Variants in SLC25A25 observed in about 807,000 individuals in gnomAD.
SLC25A25 encodes the protein solute carrier family 25 member 25.
In SLC25A25, 32 loss-of-function variants were observed where a neutral mutation model predicts 57.7. The ratio of observed to expected loss-of-function variants is 0.55; its 90% CI spans 0.42 to 0.74. The LOEUF (loss-of-function observed/expected upper bound fraction) is 0.74, where lower values mean the gene tolerates loss of function less well. SLC25A25 is among the 30% of genes least tolerant of loss of function. SLC25A25 has a pLI of 0.00. For missense variants in SLC25A25, 556 were observed against 701.3 expected (o/e 0.79, Z 2.34); for synonymous variants, 306 against 291.2 (o/e 1.05, Z -0.52).
At chr9:128,080,291 A>C (rs1237453195) in intron 1 of SLC25A25, among the ~76,000 whole-genome samples, 2 of 148,768 alleles carry the variant, frequency 1.3e-5, no homozygotes, top group Non-Finnish European at 3.0e-5. Context: ...TGGAGGTTGC[A>C]GTGAGCTGAG....
At chr9:128,076,920 T>C (rs1295534416) in intron 1 of SLC25A25, among the ~76,000 whole-genome samples, 2 of 152,188 alleles carry the variant, frequency 1.3e-5, no homozygotes, top group Non-Finnish European at 2.9e-5. Flanking sequence ...TCGCAGATGG[T>C]CATCCGCCCT....
At chr9:128,070,110 T>TTTTTTTGG (rs1832871987) in intron 1 of SLC25A25, among the ~76,000 whole-genome samples, 1 of 103,162 alleles carries the variant, frequency 9.7e-6, no homozygotes, top group Non-Finnish European at 1.8e-5. Context: ...TTTTTTTTTT[T>TTTTTTTGG]GAGACAGTCT....
At chr9:128,078,588 A>G (rs1833069909) in intron 1 of SLC25A25, among the ~76,000 whole-genome samples, 1 of 152,204 alleles carries the variant, frequency 6.6e-6, no homozygotes, top group Non-Finnish European at 1.5e-5. Context: ...CTTTCCCTGG[A>G]CAGAAACCGG....
At chr9:128,098,900 G>GTT in intron 1 of SLC25A25, 1 of 985,452 alleles carries the variant, frequency 1.0e-6, no homozygotes, top group Non-Finnish European at 1.2e-6. Context: ...GGAGTGACCG[G>GTT]TTTTCATGTG....
At chr9:128,087,365 G>T (rs932336423) in intron 1 of SLC25A25, among the ~76,000 whole-genome samples, 1 of 152,022 alleles carries the variant, frequency 6.6e-6, no homozygotes, top group Admixed American at 6.5e-5. Flanking sequence ...GGGTTCAAGC[G>T]ATTCTCCTGC....
intron 1 of SLC25A25, chr9:128,092,153 A>G: frequency 4.5e-6 from 7 of 1,562,454 alleles, no homozygotes; most frequent in Admixed American, 1.9e-5. Context: ...TTCCTGGGGA[A>G]AAAACGAGTG....
rs1834135188 is a variant in SLC25A25 at position 128,108,351 on chromosome 9, C to T, written c.*907C>T. The T allele has an allele frequency of 2.5e-6, 1 of 398,144 alleles. No individual in the cohort carries two copies. Among genetic ancestry groups the T allele is most frequent in the Non-Finnish European group, 4.4e-6 (1 of 225,994 alleles). The allele number at this position is 398,144 out of a possible 1,614,324, so 24.7% of individuals were successfully genotyped here. A position where few individuals can be genotyped will look rare whatever the true frequency, so the allele number is the denominator to read the frequency against. Reference sequence around the variant, plus strand: ...AAGGGTTTTGTCCAGAAGGACAAGCCGGACAAATGAGCGACTTCTGTGCTT... The same window carrying T: ...AAGGGTTTTGTCCAGAAGGACAAGCTGGACAAATGAGCGACTTCTGTGCTT... On this transcript the variant is annotated 3_prime_UTR_variant, in exon 11 of 11. Coordinates refer to ENST00000373069, the MANE Select transcript of SLC25A25 (RefSeq NM_001330988.2).
At position 128,103,093 on chromosome 9, in the gene SLC25A25, A is replaced by C. The variant is rs139282099; in HGVS notation, c.625-588A>C. 4.6e-5 allele frequency among the ~76,000 whole-genome samples: 7 copies of C among 152,338 alleles called. No homozygotes were observed. In the South Asian group the frequency reaches 1.4e-3, roughly 32 times the overall value. ...CTCCTCATCTGCCTCTCGCAGTGCCAGGCCAGGGCTTGTTAGGTGAGATTA... is the reference window on the plus strand; with the variant it reads ...CTCCTCATCTGCCTCTCGCAGTGCCCGGCCAGGGCTTGTTAGGTGAGATTA... On this transcript the variant is annotated intron_variant, in intron 5 of 10. Coordinates refer to ENST00000373069, the MANE Select transcript of SLC25A25 (RefSeq NM_001330988.2). The surrounding 1 kb of genome is among the most constrained non-coding windows in gnomAD (Gnocchi z 6.7).
At chr9:128,086,103 T>A (rs188545756) in intron 1 of SLC25A25, among the ~76,000 whole-genome samples, 1 of 152,238 alleles carries the variant, frequency 6.6e-6, no homozygotes, top group East Asian at 1.9e-4. Context: ...GAATGTGTAT[T>A]CTGCTGTTGT....
chr9:128,082,107 T>C (rs1833169060), intron 1 of SLC25A25, among the ~76,000 whole-genome samples: 5 of 152,194 alleles, frequency 3.3e-5, no homozygotes, highest in Admixed American at 3.3e-4. Context: ...CGAAGGGGAC[T>C]GGCTTTTCAC....
In SLC25A25 at chr9:128,107,395, A is replaced by G. The variant is rs779836096; in HGVS notation, c.1499A>G (p.Tyr500Cys). ...GTCATCCCAGCTGTGAGCATCAGCTACGTGGTCTACGAGAACCTGAAGATC... is the reference window on the plus strand; with the variant it reads ...GTCATCCCAGCTGTGAGCATCAGCTGCGTGGTCTACGAGAACCTGAAGATC... ...MKVIPAVSIS[Y>C]VVYENLKITL... Residue 500 changes from tyrosine to cysteine, a missense_variant, in exon 11 of 11, where the codon TAC becomes TGC. Tyr to Cys is a radical substitution (Grantham distance 194, BLOSUM62 -2). Transcript: ENST00000373069. The G allele has an allele frequency of 6.6e-7, 1 of 1,511,032 alleles. No homozygotes were observed. The highest frequency in any genetic ancestry group is 8.9e-7 in the Non-Finnish European group (1 of 1,128,720). The allele number at this position is 1,511,032 out of a possible 1,614,324, so 93.6% of individuals were successfully genotyped here.
chr9:128,082,077 T>G (rs2130792297), intron 1 of SLC25A25, among the ~76,000 whole-genome samples: 1 of 152,172 alleles, frequency 6.6e-6, no homozygotes, highest in East Asian at 1.9e-4. Flanking sequence ...TAATATGCAT[T>G]CACCTTGAAC....
chr9:128,084,992 A>G (rs1833244157), intron 1 of SLC25A25, among the ~76,000 whole-genome samples: 1 of 152,204 alleles, frequency 6.6e-6, no homozygotes, highest in Non-Finnish European at 1.5e-5. Context: ...AATGTACTAT[A>G]TTAACCTACA....
In SLC25A25 at chr9:128,101,362, A is replaced by G. The variant is rs1366533186; in HGVS notation, c.442A>G (p.Ile148Val). 1.2e-6 allele frequency: 2 copies of G among 1,614,136 alleles called. No individual in the cohort carries two copies. Among genetic ancestry groups the G allele is most frequent in the East Asian group, 2.2e-5 (1 of 44,890 alleles). ...MQSLRDLGVK[I>V]SEQQAEKILK... Reference sequence around the variant, plus strand: ...GTCCCTGCGGGACTTGGGAGTCAAGATATCTGAACAGCAGGCAGAAAAAAT... The same window carrying G: ...GTCCCTGCGGGACTTGGGAGTCAAGGTATCTGAACAGCAGGCAGAAAAAAT... Residue 148 changes from isoleucine (I) to valine (V), a missense_variant, in exon 3 of 11, where the codon ATA becomes GTA. By Grantham distance (29) the Ile-to-Val change is conservative. This residue lies in a region of SLC25A25 where 248 missense variants were observed against 273.5 expected (regional missense o/e 0.91). Transcript: ENST00000373069. The surrounding 1 kb of genome is among the most constrained non-coding windows in gnomAD (Gnocchi z 4.9).
At chr9:128,100,933 C>A (rs887993252) in intron 1 of SLC25A25, 163 bp from the exon 2 acceptor site, 21 of 932,280 alleles carry the variant, frequency 2.3e-5, no homozygotes, top group Non-Finnish European at 3.0e-5. Context: ...GCATGTAAGT[C>A]GATTGCCATG....
At chr9:128,086,169 G>GTT (rs1268748370) in intron 1 of SLC25A25, among the ~76,000 whole-genome samples, 1 of 62,312 alleles carries the variant, frequency 1.6e-5, no homozygotes, top group Admixed American at 1.7e-4. Context: ...TGTTTTTGTT[G>GTT]TTGTTTTTTT....
chr9:128,095,915 A>G lies in SLC25A25; in HGVS notation c.262-5181A>G, dbSNP rs989099789. 3.9e-5 allele frequency among the ~76,000 whole-genome samples: 6 copies of G among 152,248 alleles called. No individual in the cohort carries two copies. ...TAAATACATTATAAAACTCAATGGTACAGTAATATGTGCCATAATTATTTT... is the reference window on the plus strand; with the variant it reads ...TAAATACATTATAAAACTCAATGGTGCAGTAATATGTGCCATAATTATTTT... On this transcript the variant is annotated intron_variant, in intron 1 of 10. Transcript: ENST00000373069. This position sits in a 1 kb window ranked among gnomAD's most constrained non-coding sequence, Gnocchi z 4.4.
chr9:128,104,106 G>A (rs1019857411), intron 6 of SLC25A25, among the ~76,000 whole-genome samples: 1 of 152,160 alleles, frequency 6.6e-6, no homozygotes, highest in African/African-American at 2.4e-5. Context: ...ACTGGGGTGA[G>A]GCAGGAACCA....
chr9:128,105,911 C>T (rs1009385952), intron 7 of SLC25A25, 30 bp downstream of exon 7: 68 of 1,605,334 alleles, frequency 4.2e-5, no homozygotes, highest in Admixed American at 2.5e-4. Context: ...GGAGGGTCAC[C>T]GGCCAGTGGC....
Sources: gnomAD v4.1 joint callset for allele counts (sites outside exome capture counted in the v4.1 genomes callset) on GRCh38, gnomAD v4.1.1 for gene constraint, gnomAD v4.1.1 regional missense constraint, Gnocchi (gnomAD v3.1) non-coding constraint, MANE v1.5 for transcripts, NCBI Gene and HGNC (gene_info 2026-07-23, HGNC 2026-07-21) for gene names.